ASXL3: variants seen among roughly 807,000 people sequenced by gnomAD.
ASXL3 encodes ASXL transcriptional regulator 3.
A neutral mutation model predicts 170.6 loss-of-function variants in ASXL3; 34 were observed. The ratio of observed to expected loss-of-function variants is 0.20; its 90% CI spans 0.15 to 0.27. ASXL3 has a LOEUF of 0.27. Among genes scored for constraint, ASXL3 ranks in the 10% least tolerant of loss-of-function variants. ASXL3 has a pLI of 1.00. For synonymous variants in ASXL3, 1,002 were observed against 989.1 expected, an observed-to-expected ratio of 1.01 and a Z score of -0.24; for missense variants, 2,592 against 2,695.3, an observed-to-expected ratio of 0.96 and a Z score of 0.85.
At chr18:33,669,963 T>C (rs965485988) in intron 5 of ASXL3, among the ~76,000 whole-genome samples, 3 of 152,206 alleles carry the variant, frequency 2.0e-5, no homozygotes, top group Admixed American at 1.3e-4. Flanking sequence ...GGTCGATTCA[T>C]TTATGAAACA....
Position 33,732,040 on chromosome 18 carries a change from G to A in ASXL3, c.952G>A (p.Gly318Arg), listed in dbSNP as rs2067457883. The change falls in exon 9 of 12, where the codon GGG (glycine) becomes AGG (arginine). Residue 318 changes from glycine (G) to arginine (R), a missense_variant. Physicochemically the swap from Gly to Arg is moderately radical, Grantham distance 125. This residue lies in a region of ASXL3 where 73 missense variants were observed against 142.7 expected (regional missense o/e 0.51). Transcript: ENST00000269197. ...TGAATTCTTTGCATATGCAGCACAAGGGTGGAAACAGCGACTGGCAGAAGG... is the reference window on the plus strand; with the variant it reads ...TGAATTCTTTGCATATGCAGCACAAAGGTGGAAACAGCGACTGGCAGAAGG... ...NNEFFAYAAQ[G>R]WKQRLAEGEF... 6.2e-7 allele frequency: 1 copy of A among 1,613,082 alleles called. No individual in the cohort carries two copies.
Position 33,743,526 on chromosome 18 carries a change from T to C in ASXL3, c.3678T>C (p.Ser1226=). Residue 1226 remains serine (S), a synonymous_variant, in exon 12 of 12, where the codon AGT becomes AGC. Transcript: ENST00000269197. ...IVSSTSSENS[S]VPMLFNKNSV... ...CATCTACCTCTTCTGAAAATAGCAGTGTGCCCATGCTTTTTAATAAAAATT... is the reference window on the plus strand; with the variant it reads ...CATCTACCTCTTCTGAAAATAGCAGCGTGCCCATGCTTTTTAATAAAAATT... 1 of 1,613,428 alleles carries C rather than the reference T, an allele frequency of 6.2e-7. No homozygotes were observed. Among genetic ancestry groups the C allele is most frequent in the Non-Finnish European group, 8.5e-7 (1 of 1,179,812 alleles).
intron 2 of ASXL3, among the ~76,000 whole-genome samples, chr18:33,643,012 T>C (rs1188085337): frequency 2.0e-5 from 3 of 151,850 alleles, no homozygotes; most frequent in Admixed American, 6.6e-5. Flanking sequence ...TTTTATTAAG[T>C]TATATTTTTA....
intron 2 of ASXL3, among the ~76,000 whole-genome samples, chr18:33,618,977 T>C (rs2065469742): frequency 6.6e-6 from 1 of 152,170 alleles, no homozygotes; most frequent in Non-Finnish European, 1.5e-5. Context: ...AGCAAATTAA[T>C]AAATAGGGAC....
intron 8 of ASXL3, among the ~76,000 whole-genome samples, chr18:33,699,378 TGAAGAGTAGAATAAAATGAAAA>T: frequency 6.6e-6 from 1 of 152,046 alleles, no homozygotes; most frequent in Non-Finnish European, 1.5e-5. Flanking sequence ...AATTATTAGT[TGAAGAGTAGAATAAAATGAAAA>T]TTTCATTAGA....
intron 5 of ASXL3, among the ~76,000 whole-genome samples, chr18:33,664,193 C>T (rs2066220623): frequency 6.6e-6 from 1 of 152,078 alleles, no homozygotes; most frequent in Non-Finnish European, 1.5e-5. Flanking sequence ...AAAACTAAGA[C>T]CCAAGTCAGG....
chr18:33,730,518 G>A (rs2067425090), intron 8 of ASXL3, among the ~76,000 whole-genome samples: 2 of 152,150 alleles, frequency 1.3e-5, no homozygotes, highest in South Asian at 4.1e-4. Flanking sequence ...ACACTGCAGA[G>A]GATAGTGTCC....
chr18:33,724,814 C>G (rs2067320574), intron 8 of ASXL3, among the ~76,000 whole-genome samples: 1 of 152,056 alleles, frequency 6.6e-6, no homozygotes, highest in African/African-American at 2.4e-5. Context: ...GTAATATTGT[C>G]TTACTGCAAT....
At chr18:33,589,667 C>A (rs1261584129) in intron 1 of ASXL3, among the ~76,000 whole-genome samples, 1 of 152,096 alleles carries the variant, frequency 6.6e-6, no homozygotes, top group Non-Finnish European at 1.5e-5. Flanking sequence ...TGCTAGTAAA[C>A]TATTCTTAAA....
chr18:33,617,103 T>C (rs1156712109), intron 2 of ASXL3, among the ~76,000 whole-genome samples: 1 of 152,184 alleles, frequency 6.6e-6, no homozygotes, highest in Non-Finnish European at 1.5e-5. Context: ...AACAATATGC[T>C]TAACACAGTA....
intron 4 of ASXL3, among the ~76,000 whole-genome samples, chr18:33,648,492 G>A (rs1180292921): frequency 6.6e-6 from 1 of 152,048 alleles, no homozygotes; most frequent in Non-Finnish European, 1.5e-5. Flanking sequence ...TTAAGGGGAG[G>A]GGCGTTGTTG....
intron 7 of ASXL3, among the ~76,000 whole-genome samples, chr18:33,674,064 A>G (rs1335939484): frequency 6.6e-6 from 1 of 152,216 alleles, no homozygotes; most frequent in Non-Finnish European, 1.5e-5. Context: ...GTACAGTAGA[A>G]TGACGTCTGT....
At position 33,578,655 on chromosome 18, in the gene ASXL3, G is replaced by A; in HGVS notation, c.24G>A (p.Lys8=). Reference sequence around the variant, plus strand: ...ACATGAAAGACAAGAGGAAGAAGAAGGACCGCACCTGGGCCGAGGCTGCCC... The same window carrying A: ...ACATGAAAGACAAGAGGAAGAAGAAAGACCGCACCTGGGCCGAGGCTGCCC... MKDKRKK[K]DRTWAEAARL... Residue 8 remains lysine, a synonymous_variant, in exon 1 of 12, where the codon AAG becomes AAA. Transcript: ENST00000269197. 2.2e-6 allele frequency: 3 copies of A among 1,364,188 alleles called. No individual in the cohort carries two copies. The highest frequency in any genetic ancestry group is 1.5e-5 in the South Asian group (1 of 66,988). 84.5% of individuals were successfully genotyped at this position (1,364,188 alleles called of 1,614,324 possible).
At chr18:33,719,728 C>A (rs898853790) in intron 8 of ASXL3, among the ~76,000 whole-genome samples, 1 of 151,760 alleles carries the variant, frequency 6.6e-6, no homozygotes, top group Non-Finnish European at 1.5e-5. Context: ...TATAAGAAAC[C>A]CCAGAAATCT....
chr18:33,683,277 A>AG, intron 7 of ASXL3, 128 bp from the exon 8 acceptor site: 1 of 713,298 alleles, frequency 1.4e-6, no homozygotes, highest in East Asian at 3.2e-5. Flanking sequence ...CATTTGTAAA[A>AG]GGGGTAGAAG....
intron 4 of ASXL3, among the ~76,000 whole-genome samples, chr18:33,657,630 C>A (rs796379425): frequency 6.6e-6 from 1 of 152,028 alleles, no homozygotes; most frequent in Non-Finnish European, 1.5e-5. Context: ...CACTGAAGCC[C>A]GCAGTTTTGC....
At chr18:33,595,149 A>G (rs900030229) in intron 1 of ASXL3, among the ~76,000 whole-genome samples, 1 of 152,172 alleles carries the variant, frequency 6.6e-6, no homozygotes, top group African/African-American at 2.4e-5. Flanking sequence ...TTCTTCACCT[A>G]TTACTCATCA....
chr18:33,582,706 C>CTGTG (rs34434614), intron 1 of ASXL3, among the ~76,000 whole-genome samples: 2,193 of 135,996 alleles, frequency 0.016, 43 homozygotes, highest in African/African-American at 0.042. Flanking sequence ...TGGTTTTTTT[C>CTGTG]TGTGTGTGTG....
At chr18:33,682,412 G>T (rs748206965) in intron 7 of ASXL3, among the ~76,000 whole-genome samples, 2 of 151,986 alleles carry the variant, frequency 1.3e-5, no homozygotes, top group East Asian at 3.9e-4. Context: ...TGTCCCTTAT[G>T]GTATGTTATT....
Sources: allele counts gnomAD v4.1 joint callset (sites outside exome capture counted in the v4.1 genomes callset), GRCh38; gene constraint gnomAD v4.1.1; regional missense constraint gnomAD v4.1.1; transcripts MANE v1.5; gene names NCBI Gene and HGNC (gene_info 2026-07-23, HGNC 2026-07-21).